Variants in DYNC2H1 observed in about 807,000 individuals in gnomAD.
DYNC2H1 encodes dynein cytoplasmic 2 heavy chain 1.
DYNC2H1 carries 410 observed loss-of-function variants against 570.0 expected under a neutral mutation model. The ratio of observed to expected loss-of-function variants is 0.72; its 90% CI spans 0.66 to 0.78. DYNC2H1 has a LOEUF of 0.78. DYNC2H1 is among the 30% of genes least tolerant of loss of function. The pLI is 0.00. For missense variants in DYNC2H1, 4,865 were observed against 5,046.4 expected (o/e 0.96, Z 1.09); for synonymous variants, 1,688 against 1,677.6 (o/e 1.01, Z -0.15).
chr11:103,442,894 T>C (rs775459591), intron 85 of DYNC2H1, among the ~76,000 whole-genome samples: 21 of 151,990 alleles, frequency 1.4e-4, no homozygotes, highest in Non-Finnish European at 2.8e-4. Flanking sequence ...TAACCAGTGA[T>C]TGTTAGTAAT....
intron 83 of DYNC2H1, among the ~76,000 whole-genome samples, chr11:103,391,454 A>C (rs570121190): frequency 6.6e-6 from 1 of 152,154 alleles, no homozygotes. Flanking sequence ...TTCCTCCTTT[A>C]GCTCGGAGAA....
intron 18 of DYNC2H1, among the ~76,000 whole-genome samples, chr11:103,146,635 C>T (rs1262671608): frequency 6.6e-6 from 1 of 152,164 alleles, no homozygotes; most frequent in Non-Finnish European, 1.5e-5. Flanking sequence ...CTGAATCTCA[C>T]TCTGTCACCC....
chr11:103,462,511 T>G (rs900759151), intron 87 of DYNC2H1, among the ~76,000 whole-genome samples: 2 of 152,216 alleles, frequency 1.3e-5, no homozygotes, highest in Admixed American at 6.5e-5. Context: ...CTTGGATAAC[T>G]ACGGTTGCAC....
rs999634291 is a variant in DYNC2H1 at position 103,177,578 on chromosome 11, A to T, written c.5897A>T (p.Tyr1966Phe). Residue 1966 changes from tyrosine to phenylalanine, a missense_variant, in exon 38 of 89, where the codon TAT becomes TTT. Tyr to Phe is a conservative substitution (Grantham distance 22, BLOSUM62 3). Transcript: ENST00000375735. This position sits in a 1 kb window ranked among gnomAD's most constrained non-coding sequence, Gnocchi z 4.4. The stretch of plus-strand genomic sequence containing the variant: ...TAGATCAAAAAGGCTTTAGAATTGT[A>T]TGAACAGTTATGCCAGAGGATGGGA... The part of the protein sequence containing the change: ...PNQIKKALEL[Y>F]EQLCQRMGVV... The T allele has an allele frequency of 1.2e-6, 2 of 1,611,496 alleles. No individual in the cohort carries two copies. Among genetic ancestry groups the T allele is most frequent in the Non-Finnish European group, 8.5e-7 (1 of 1,179,136 alleles).
chr11:103,320,453 C>T (rs1177256891), intron 80 of DYNC2H1, among the ~76,000 whole-genome samples: 2 of 152,238 alleles, frequency 1.3e-5, no homozygotes, highest in East Asian at 3.9e-4. Context: ...TTTAATATTA[C>T]ATTTCTCTTC....
Position 103,256,511 on chromosome 11 carries a change from G to A in DYNC2H1, c.10461+271G>A, listed in dbSNP as rs181102968. 1.3e-5 allele frequency among the ~76,000 whole-genome samples: 2 copies of A among 152,130 alleles called. No individual in the cohort carries two copies. The highest frequency in any genetic ancestry group is 6.5e-5 in the Admixed American group (1 of 15,270). On this transcript the variant is annotated intron_variant, in intron 68 of 88. Transcript: ENST00000375735. This position sits in a 1 kb window ranked among gnomAD's most constrained non-coding sequence, Gnocchi z 4.0. ...TTATCTAAGGTAGAGCTGCAGTTTTGTACTAAAATTGGAAATGAGTATATT... is the reference window on the plus strand; with the variant it reads ...TTATCTAAGGTAGAGCTGCAGTTTTATACTAAAATTGGAAATGAGTATATT...
intron 63 of DYNC2H1, among the ~76,000 whole-genome samples, chr11:103,242,507 A>C (rs879453503): frequency 2.6e-5 from 4 of 152,164 alleles, no homozygotes; most frequent in Admixed American, 6.5e-5. Context: ...TGACTTTCAT[A>C]TGTGTTCTCT....
At position 103,122,973 on chromosome 11, in the gene DYNC2H1, G is replaced by A. The variant is rs1383719853; in HGVS notation, c.1634G>A (p.Gly545Asp). Reference protein sequence around the residue: ...FDDWSRDIQSGLSDSRSGLCI... With the variant: ...FDDWSRDIQSDLSDSRSGLCI... ...GATTGGTCCAGGGATATTCAATCAG[G>A]TTTATCTGATTCCAGATCTGGTTTG... The change falls in exon 11 of 89, where the codon GGT becomes GAT. Residue 545 changes from glycine to aspartate, a missense_variant. By Grantham distance (94) the Gly-to-Asp change is moderately conservative. This residue lies in a region of DYNC2H1 where 1,936 missense variants were observed against 1,962.1 expected (regional missense o/e 0.99). Transcript: ENST00000375735. 1.3e-6 allele frequency: 2 copies of A among 1,551,302 alleles called. No homozygotes were observed. Among genetic ancestry groups the A allele is most frequent in the Non-Finnish European group, 1.8e-6 (2 of 1,142,192 alleles).
intron 63 of DYNC2H1, among the ~76,000 whole-genome samples, chr11:103,237,518 A>G (rs1411009892): frequency 6.6e-6 from 1 of 151,956 alleles, no homozygotes; most frequent in African/African-American, 2.4e-5. Flanking sequence ...TTTGCTTTCT[A>G]TTAATTTGAT....
intron 73 of DYNC2H1, 58 bp downstream of exon 73, chr11:103,283,143 GTTGATACTT>G (rs1866211345): frequency 7.3e-7 from 1 of 1,374,336 alleles, no homozygotes; most frequent in Non-Finnish European, 1.0e-6. Context: ...CATTGTTTCT[GTTGATACTT>G]TGTGCTCCTT....
At chr11:103,273,801 C>T (rs1031146032) in intron 70 of DYNC2H1, among the ~76,000 whole-genome samples, 1 of 152,070 alleles carries the variant, frequency 6.6e-6, no homozygotes, top group Admixed American at 6.6e-5. Flanking sequence ...CTATGGAGTG[C>T]TGCGATGTGA....
intron 43 of DYNC2H1, 28 bp downstream of exon 43, chr11:103,187,614 A>G (rs1304146945): frequency 2.5e-6 from 4 of 1,599,576 alleles, no homozygotes; most frequent in Non-Finnish European, 3.4e-6. Context: ...AAGTGTTTTA[A>G]TCTAATTGGA....
rs542395736 is a variant in DYNC2H1 at position 103,455,074 on chromosome 11, AC to A, written c.12457-110del. ...AATGTTATATATATATTTTCTAGCT[AC>A]CATTTCAGAGCATTTGGAAGCTGAA... On this transcript the variant is annotated intron_variant, in intron 85 of 88. Transcript: ENST00000375735. 2,177 of 675,662 alleles carry A rather than the reference AC, an allele frequency of 3.2e-3. 13 individuals are homozygous for A. The highest frequency in any genetic ancestry group is 5.4e-3 in the Admixed American group (177 of 32,982). The allele number at this position is 675,662 out of a possible 1,614,324, so 41.9% of individuals were successfully genotyped here.
intron 6 of DYNC2H1, among the ~76,000 whole-genome samples, chr11:103,118,405 T>C (rs1160710405): frequency 6.6e-6 from 1 of 152,010 alleles, no homozygotes; most frequent in East Asian, 1.9e-4. Context: ...TTCAAACATA[T>C]TAAAAAGTAA....
rs934179014 is a variant in DYNC2H1, at chr11:103,204,180, A to T, written c.8311+404A>T. Among the ~76,000 whole-genome samples, 1 of 152,244 alleles carries T rather than the reference A, an allele frequency of 6.6e-6. No homozygotes were observed. Among genetic ancestry groups the T allele is most frequent in the Admixed American group, 6.5e-5 (1 of 15,284 alleles). On this transcript the variant is annotated intron_variant, in intron 51 of 88. Transcript: ENST00000375735. The surrounding 1 kb of genome is among the most constrained non-coding windows in gnomAD (Gnocchi z 4.1). The stretch of plus-strand genomic sequence containing the variant: ...TGAGATCTCATGAGAGCCATTCACT[A>T]TCATGAGAATAGCATGGGAAATACC...
At chr11:103,172,494 GT>G (rs1354082120) in intron 34 of DYNC2H1, among the ~76,000 whole-genome samples, 16 of 151,662 alleles carry the variant, frequency 1.1e-4, no homozygotes, top group African/African-American at 3.4e-4. Context: ...AGATTTCTTG[GT>G]TTTTCTACTC....
In DYNC2H1 at chr11:103,453,615, C is replaced by CATATATATATATATAT. The variant is rs66628059; in HGVS notation, c.12457-1559_12457-1544dup. Among the ~76,000 whole-genome samples, 290 of 136,530 alleles carry CATATATATATATATAT rather than the reference C, an allele frequency of 2.1e-3. 4 individuals are homozygous for CATATATATATATATAT. Among genetic ancestry groups the CATATATATATATATAT allele is most frequent in the African/African-American group, 7.5e-3 (261 of 34,770 alleles). 89.6% of individuals were successfully genotyped at this position (136,530 alleles called of 152,430 possible). A position where few individuals can be genotyped will look rare whatever the true frequency, so the allele number is the denominator to read the frequency against. The stretch of plus-strand genomic sequence containing the variant: ...TGATTATCAGCCATGTTAGTTTAGA[C>CATATATATATATATAT]ATATATATATATATATATATATATA... On this transcript the variant is annotated intron_variant, in intron 85 of 88. Transcript: ENST00000375735.
In DYNC2H1 at chr11:103,163,094, A is replaced by G; in HGVS notation, c.4558A>G (p.Thr1520Ala). 4 of 1,613,358 alleles carry G rather than the reference A, an allele frequency of 2.5e-6. No homozygotes were observed. Among genetic ancestry groups the G allele is most frequent in the Non-Finnish European group, 3.4e-6 (4 of 1,179,398 alleles). The stretch of plus-strand genomic sequence containing the variant: ...GGAACAGTTGTTGAAGGAATGTGTT[A>G]CTACTGGGCGAAGTTCTCAAGGTGC... ...TLEQLLKECVTTGRSSQGAVD... is the reference protein window; with the variant it reads ...TLEQLLKECVATGRSSQGAVD... The change falls in exon 30 of 89, where the codon ACT (threonine) becomes GCT (alanine). Residue 1520 changes from threonine to alanine, a missense_variant. Transcript: ENST00000375735. This position sits in a 1 kb window ranked among gnomAD's most constrained non-coding sequence, Gnocchi z 4.6.
chr11:103,167,666 C>G (rs1421740901), intron 31 of DYNC2H1, among the ~76,000 whole-genome samples: 7 of 152,086 alleles, frequency 4.6e-5, no homozygotes, highest in African/African-American at 7.2e-5. Context: ...TTGAGATTTT[C>G]TTGGTTCTTT....
Sources: allele counts gnomAD v4.1 joint callset (sites outside exome capture counted in the v4.1 genomes callset), GRCh38; gene constraint gnomAD v4.1.1; regional missense constraint gnomAD v4.1.1; non-coding constraint Gnocchi (gnomAD v3.1); transcripts MANE v1.5; gene names NCBI Gene and HGNC (gene_info 2026-07-23, HGNC 2026-07-21).